The following SPECC1L variants were observed in gnomAD, a reference collection of about 807,000 sequenced individuals.
SPECC1L encodes the protein cytospin-A.
Under a neutral mutation model 116.8 loss-of-function variants are expected in SPECC1L, and 40 were observed. The ratio of observed to expected loss-of-function variants is 0.34; its 90% confidence interval spans 0.27 to 0.45. The LOEUF is 0.45. Among genes scored for constraint, SPECC1L ranks in the 20% least tolerant of loss-of-function variants. The pLI, the probability that SPECC1L is intolerant of heterozygous loss-of-function variation, is 1.00. For synonymous variants in SPECC1L, 504 were observed against 500.6 expected, an observed-to-expected ratio of 1.01 and a Z score of -0.09; for missense variants, 1,110 against 1,373.6, an observed-to-expected ratio of 0.81 and a Z score of 3.03.
intron 14 of SPECC1L, among the ~76,000 whole-genome samples, chr22:24,385,517 C>T (rs968910988): frequency 1.3e-5 from 2 of 152,166 alleles, no homozygotes; most frequent in South Asian, 2.1e-4. Context: ...ATGTCCTATG[C>T]GAGCACTAAC....
chr22:24,403,946 C>T (rs1168117447), intron 14 of SPECC1L, among the ~76,000 whole-genome samples: 1 of 152,192 alleles, frequency 6.6e-6, no homozygotes, highest in Non-Finnish European at 1.5e-5. Flanking sequence ...GAGAGACTCC[C>T]TCCCTTTTTT....
chr22:24,283,329 C>G (rs1324596498), intron 2 of SPECC1L, among the ~76,000 whole-genome samples: 3 of 152,314 alleles, frequency 2.0e-5, no homozygotes, highest in Non-Finnish European at 4.4e-5. Flanking sequence ...CCGCCCACCT[C>G]GGCCTCCCAA....
rs888534904 is a variant in SPECC1L, at chr22:24,414,683, C to G, written c.*60C>G. ...ACCCCTCCACAGCGACCGAGCGACA[C>G]CGACGCCATTAGCTACGCACCCCTG... is the stretch of plus-strand genomic sequence containing the variant. On this transcript the variant is annotated 3_prime_UTR_variant, in exon 17 of 17. Transcript: ENST00000314328. 5 of 1,459,010 alleles carry G rather than the reference C, an allele frequency of 3.4e-6. No individual in the cohort carries two copies. In the African/African-American group the frequency reaches 6.9e-5, roughly 20 times the overall value. The allele number at this position is 1,459,010 out of a possible 1,614,324, so 90.4% of individuals were successfully genotyped here.
At chr22:24,317,012 C>T (rs375909370) in intron 4 of SPECC1L, among the ~76,000 whole-genome samples, 68 of 108,652 alleles carry the variant, frequency 6.3e-4, no homozygotes, top group South Asian at 2.3e-3. Context: ...ACCTCCTGGA[C>T]GGGGCGGCTG....
At chr22:24,381,838 C>T (rs1012477355) in intron 14 of SPECC1L, among the ~76,000 whole-genome samples, 9 of 152,112 alleles carry the variant, frequency 5.9e-5, no homozygotes, top group East Asian at 1.9e-4. Flanking sequence ...GAGCCAAGAT[C>T]GCACCACTGC....
intron 4 of SPECC1L, among the ~76,000 whole-genome samples, chr22:24,320,042 C>T (rs368460418): frequency 1.3e-4 from 20 of 152,160 alleles, no homozygotes; most frequent in African/African-American, 3.9e-4. Context: ...GGGAGACCGA[C>T]GCGGGCAGAT....
At position 24,330,302 on chromosome 22, in the gene SPECC1L, C is replaced by T; in HGVS notation, c.2267C>T (p.Ala756Val). The T allele has an allele frequency of 6.2e-7, 1 of 1,614,084 alleles. No homozygotes were observed. The highest frequency in any genetic ancestry group is 8.5e-7 in the Non-Finnish European group (1 of 1,179,996). The part of the protein sequence containing the change: ...WRQFQADLQT[A>V]VVIANDIKSE... The stretch of plus-strand genomic sequence containing the variant: ...CAGTTTCAGGCTGATCTCCAGACTG[C>T]AGTAGTCATTGCAAATGACATTAAA... Residue 756 changes from alanine (A) to valine (V), a missense_variant, in exon 8 of 17, where the codon GCA (alanine) becomes GTA (valine). Physicochemically the swap from Ala to Val is moderately conservative, Grantham distance 64. Transcript: ENST00000314328.
intron 3 of SPECC1L, among the ~76,000 whole-genome samples, chr22:24,302,821 T>A (rs1345248588): frequency 6.6e-6 from 1 of 152,112 alleles, no homozygotes; most frequent in Non-Finnish European, 1.5e-5. Context: ...TATGAAAAGG[T>A]CATGTGAGCC....
At chr22:24,315,474 C>T (rs1378706504) in intron 4 of SPECC1L, among the ~76,000 whole-genome samples, 2 of 152,260 alleles carry the variant, frequency 1.3e-5, no homozygotes, top group African/African-American at 4.8e-5. Flanking sequence ...GGTGGTGAGG[C>T]AAGGTCTTTT....
At chr22:24,320,147 G>A (rs536043498) in intron 4 of SPECC1L, among the ~76,000 whole-genome samples, 3 of 152,206 alleles carry the variant, frequency 2.0e-5, no homozygotes, top group Non-Finnish European at 4.4e-5. Flanking sequence ...ATGGTGGCAC[G>A]CTCCTGTAAT....
At chr22:24,280,258 A>G (rs1196862588) in intron 2 of SPECC1L, among the ~76,000 whole-genome samples, 1 of 152,132 alleles carries the variant, frequency 6.6e-6, no homozygotes, top group Non-Finnish European at 1.5e-5. Context: ...TTGCTTACCT[A>G]CTTCCACACA....
intron 2 of SPECC1L, among the ~76,000 whole-genome samples, chr22:24,296,120 G>A (rs1415282314): frequency 6.6e-6 from 1 of 152,160 alleles, no homozygotes; most frequent in Non-Finnish European, 1.5e-5. Flanking sequence ...TATATTGGAG[G>A]CCATATGGAG....
chr22:24,272,734 G>T (rs1229206317), intron 1 of SPECC1L, among the ~76,000 whole-genome samples: 1 of 151,438 alleles, frequency 6.6e-6, no homozygotes, highest in Non-Finnish European at 1.5e-5. Flanking sequence ...AACATAGAAG[G>T]GTATATAGTG....
chr22:24,322,609 T>C lies in SPECC1L; in HGVS notation c.1629T>C (p.His543=), dbSNP rs2040743403. 6.2e-7 allele frequency: 1 copy of C among 1,614,126 alleles called. No homozygotes were observed. The highest frequency in any genetic ancestry group is 8.5e-7 in the Non-Finnish European group (1 of 1,180,010). The change falls in exon 5 of 17, where the codon CAT becomes CAC. Residue 543 remains histidine, a synonymous_variant. Transcript: ENST00000314328. Reference sequence around the variant, plus strand: ...GGGCACTCAAAGAACGCAGTCACCATATGGAGCGAATTATTGAGTCTGAGC... The same window carrying C: ...GGGCACTCAAAGAACGCAGTCACCACATGGAGCGAATTATTGAGTCTGAGC... The part of the protein sequence containing the change: ...MIGALKERSH[H]MERIIESEQK...
At position 24,363,342 on chromosome 22, in the gene SPECC1L, C is replaced by T; in HGVS notation, c.2825C>T (p.Ser942Leu). 3 of 1,613,436 alleles carry T rather than the reference C, an allele frequency of 1.9e-6. No homozygotes were observed. The highest frequency in any genetic ancestry group is 2.5e-6 in the Non-Finnish European group (3 of 1,179,334). ...VPAMESAKTL[S>L]VSRRSSEEVK... ...GCGATGGAAAGTGCCAAGACCCTCT[C>T]AGGTGATGACTTTCATCTGAATTTT... is the stretch of plus-strand genomic sequence containing the variant. The change falls in exon 12 of 17, where the codon TCA (serine) becomes TTA (leucine). Residue 942 changes from serine (S) to leucine (L), a missense_variant and splice_region_variant. Around this residue, in one of 4 missense-constraint regions of SPECC1L, gnomAD observed 575 missense variants for 682.4 expected, o/e 0.84. Coordinates refer to ENST00000314328, the MANE Select transcript of SPECC1L (RefSeq NM_015330.6).
intron 14 of SPECC1L, among the ~76,000 whole-genome samples, chr22:24,406,628 C>T (rs1009157931): frequency 6.6e-6 from 1 of 152,140 alleles, no homozygotes; most frequent in Non-Finnish European, 1.5e-5. Context: ...GTGCTGGTCA[C>T]ACCTGCAGAG....
chr22:24,307,443 C>T (rs576242559), intron 3 of SPECC1L, among the ~76,000 whole-genome samples: 2 of 152,166 alleles, frequency 1.3e-5, no homozygotes, highest in Non-Finnish European at 2.9e-5. Context: ...TATTCCCCCA[C>T]TCTGCCTTGC....
At chr22:24,396,183 T>C (rs1324833284) in intron 14 of SPECC1L, among the ~76,000 whole-genome samples, 4 of 152,206 alleles carry the variant, frequency 2.6e-5, no homozygotes, top group Non-Finnish European at 4.4e-5. Flanking sequence ...TCTAAACCAG[T>C]CATGAAATAC....
chr22:24,284,227 C>CT (rs2146345680), intron 2 of SPECC1L, among the ~76,000 whole-genome samples: 1 of 152,074 alleles, frequency 6.6e-6, no homozygotes, highest in South Asian at 2.1e-4. Flanking sequence ...CCCTTTACTG[C>CT]TTTAAGTTTT....
Sources: gnomAD v4.1 joint callset for allele counts (sites outside exome capture counted in the v4.1 genomes callset) on GRCh38, gnomAD v4.1.1 for gene constraint, gnomAD v4.1.1 regional missense constraint, MANE v1.5 for transcripts, NCBI Gene and HGNC (gene_info 2026-07-23, HGNC 2026-07-21) for gene names.